Variants in CFAP299 observed in about 807,000 individuals in gnomAD.
CFAP299 encodes the protein cilia- and flagella-associated protein 299.
In CFAP299, 21 loss-of-function variants were observed where a neutral mutation model predicts 27.0. That is an observed-to-expected ratio of 0.78 (90% CI 0.55 to 1.12). CFAP299 has a LOEUF of 1.12. CFAP299 is among the 50% of genes most tolerant of loss of function. CFAP299 has a pLI of 0.00. For synonymous variants in CFAP299, 104 were observed against 98.1 expected, an observed-to-expected ratio of 1.06 and a Z score of -0.36; for missense variants, 310 against 276.6, an observed-to-expected ratio of 1.12 and a Z score of -0.86.
intron 3 of CFAP299, among the ~76,000 whole-genome samples, chr4:80,607,513 G>T (rs142654170): frequency 6.6e-6 from 1 of 151,980 alleles, no homozygotes; most frequent in African/African-American, 2.4e-5. Flanking sequence ...AAATGAGGGA[G>T]GCAAGAAGGT....
intron 4 of CFAP299, among the ~76,000 whole-genome samples, chr4:80,928,117 G>A (rs1029776088): frequency 9.2e-5 from 14 of 152,172 alleles, no homozygotes; most frequent in Non-Finnish European, 1.6e-4. Flanking sequence ...CTCCCCCAGC[G>A]TTCTGTTCTG....
chr4:80,359,028 C>T (rs1467971408), intron 1 of CFAP299, among the ~76,000 whole-genome samples: 4 of 152,030 alleles, frequency 2.6e-5, no homozygotes, highest in Admixed American at 2.6e-4. Context: ...TAACAAATTC[C>T]GTCAGCATCT....
intron 2 of CFAP299, among the ~76,000 whole-genome samples, chr4:80,490,682 A>T (rs1026013106): frequency 6.6e-6 from 1 of 152,154 alleles, no homozygotes; most frequent in Non-Finnish European, 1.5e-5. Context: ...CATGGATATA[A>T]TTTTTTTCAC....
chr4:80,364,116 A>ACACACACACACC (rs1238783516), intron 2 of CFAP299, among the ~76,000 whole-genome samples: 1 of 151,466 alleles, frequency 6.6e-6, no homozygotes, highest in Admixed American at 6.6e-5. Flanking sequence ...ACACACACAC[A>ACACACACACACC]CATTTCTTTG....
chr4:80,898,160 G>T (rs1182295728), intron 4 of CFAP299, among the ~76,000 whole-genome samples: 1 of 152,132 alleles, frequency 6.6e-6, no homozygotes, highest in Non-Finnish European at 1.5e-5. Context: ...CACACTCATT[G>T]CTCGAGCTCT....
At chr4:80,648,350 G>A (rs944877014) in intron 3 of CFAP299, among the ~76,000 whole-genome samples, 1 of 152,142 alleles carries the variant, frequency 6.6e-6, no homozygotes, top group African/African-American at 2.4e-5. Context: ...CCTTATTTAT[G>A]GTTTTAAAAT....
chr4:80,709,436 T>C (rs1722011421), intron 3 of CFAP299, among the ~76,000 whole-genome samples: 1 of 152,164 alleles, frequency 6.6e-6, no homozygotes, highest in South Asian at 2.1e-4. Context: ...TGCTGCTCCC[T>C]GCTTGATATA....
intron 3 of CFAP299, among the ~76,000 whole-genome samples, chr4:80,691,986 A>C (rs1262807587): frequency 3.3e-5 from 5 of 152,140 alleles, no homozygotes. Flanking sequence ...CCAACTTACA[A>C]GGGATGTGAA....
chr4:80,558,035 A>G (rs2110217398), intron 2 of CFAP299, among the ~76,000 whole-genome samples: 1 of 152,278 alleles, frequency 6.6e-6, no homozygotes, highest in Non-Finnish European at 1.5e-5. Context: ...TTTTATTACT[A>G]CTTACTCCAA....
At chr4:80,673,375 C>T (rs1278763032) in intron 3 of CFAP299, among the ~76,000 whole-genome samples, 7 of 152,226 alleles carry the variant, frequency 4.6e-5, no homozygotes, top group African/African-American at 4.8e-5. Flanking sequence ...GTCTGAGAGA[C>T]AGTTTGTTAT....
chr4:80,942,142 G>A (rs934155634), intron 4 of CFAP299, among the ~76,000 whole-genome samples: 8 of 152,220 alleles, frequency 5.3e-5, no homozygotes, highest in East Asian at 3.9e-4. Context: ...GCTATTACGC[G>A]GCTACACTGC....
intron 3 of CFAP299, among the ~76,000 whole-genome samples, chr4:80,651,597 A>G (rs2109970185): frequency 6.6e-6 from 1 of 151,888 alleles, no homozygotes; most frequent in East Asian, 1.9e-4. Flanking sequence ...ATTCCAGAGC[A>G]CAAATGATCC....
chr4:80,664,864 A>G (rs1577991734), intron 3 of CFAP299, among the ~76,000 whole-genome samples: 1 of 152,064 alleles, frequency 6.6e-6, no homozygotes, highest in South Asian at 2.1e-4. Flanking sequence ...TGGTGTAGGC[A>G]CCCAAGGGAA....
intron 3 of CFAP299, among the ~76,000 whole-genome samples, chr4:80,625,704 T>C (rs1738851716): frequency 6.6e-6 from 1 of 151,940 alleles, no homozygotes; most frequent in African/African-American, 2.4e-5. Context: ...AAATACTGCA[T>C]GTAAATGGTA....
chr4:80,535,603 G>C (rs13129104), intron 2 of CFAP299, among the ~76,000 whole-genome samples: 13,371 of 151,370 alleles, frequency 0.088, 673 homozygotes, highest in Middle Eastern at 0.2. Flanking sequence ...ACGTTTAGTG[G>C]AGAGAAGACA....
In CFAP299 at chr4:80,945,158, C is replaced by T. The variant is rs181571041; in HGVS notation, c.606+219C>T. Among the ~76,000 whole-genome samples, 615 of 152,268 alleles carry T rather than the reference C, an allele frequency of 4.0e-3. 1 individual carries two copies. Among genetic ancestry groups the T allele is most frequent in the Middle Eastern group, 0.014 (4 of 292 alleles). ...AGAAAGAGTTTAGGGGGAATTTAAA[C>T]AGAACTCACAAGTGGAAACACTTCT... On this transcript the variant is annotated intron_variant, in intron 5 of 5. Transcript: ENST00000358105.
At chr4:80,955,250 A>G (rs1324381370) in intron 5 of CFAP299, among the ~76,000 whole-genome samples, 2 of 152,156 alleles carry the variant, frequency 1.3e-5, no homozygotes, top group African/African-American at 4.8e-5. Context: ...TCTTAAGAGG[A>G]GCAATGCTTA....
intron 3 of CFAP299, among the ~76,000 whole-genome samples, chr4:80,853,126 A>T (rs1731622283): frequency 6.6e-6 from 1 of 152,028 alleles, no homozygotes; most frequent in African/African-American, 2.4e-5. Context: ...CGCCTCCAGG[A>T]TTCAATTAAT....
chr4:80,445,204 A>G (rs1444113294), intron 2 of CFAP299, among the ~76,000 whole-genome samples: 1 of 152,202 alleles, frequency 6.6e-6, no homozygotes, highest in East Asian at 1.9e-4. Context: ...AAATCATTCT[A>G]TTATAAAGAC....
Sources: gnomAD v4.1 joint callset for allele counts (sites outside exome capture counted in the v4.1 genomes callset) on GRCh38, gnomAD v4.1.1 for gene constraint, MANE v1.5 for transcripts, NCBI Gene and HGNC (gene_info 2026-07-23, HGNC 2026-07-21) for gene names.